TRAPPC9: variants seen among roughly 807,000 people sequenced by gnomAD.
TRAPPC9 encodes IKK2 binding protein.
TRAPPC9 carries 83 observed loss-of-function variants against 124.0 expected under a neutral mutation model. The ratio of observed to expected loss-of-function variants is 0.67; its 90% confidence interval spans 0.56 to 0.80. The LOEUF (loss-of-function observed/expected upper bound fraction) is 0.80. Among genes scored for constraint, TRAPPC9 ranks in the 30% least tolerant of loss-of-function variants. TRAPPC9 has a pLI of 0.00. For synonymous variants in TRAPPC9, 638 were observed against 617.5 expected, an observed-to-expected ratio of 1.03 and a Z score of -0.49; for missense variants, 1,302 against 1,508.3, an observed-to-expected ratio of 0.86 and a Z score of 2.27.
intron 21 of TRAPPC9, among the ~76,000 whole-genome samples, chr8:139,843,138 T>C (rs1178482589): frequency 2.0e-5 from 3 of 152,176 alleles, no homozygotes; most frequent in African/African-American, 4.8e-5. Context: ...ACTCGACACA[T>C]AGGGCTAAGT....
At chr8:139,835,882 A>T (rs1245307635) in intron 21 of TRAPPC9, among the ~76,000 whole-genome samples, 1 of 152,150 alleles carries the variant, frequency 6.6e-6, no homozygotes, top group Non-Finnish European at 1.5e-5. Flanking sequence ...GCAGTGGAGG[A>T]TGTGGCCTGA....
At chr8:139,868,521 C>T (rs1188121665) in intron 21 of TRAPPC9, among the ~76,000 whole-genome samples, 1 of 152,124 alleles carries the variant, frequency 6.6e-6, no homozygotes, top group East Asian at 1.9e-4. Context: ...GCTTGAAATC[C>T]AGATGGAGGC....
intron 17 of TRAPPC9, among the ~76,000 whole-genome samples, chr8:140,191,940 C>A (rs576377982): frequency 6.6e-6 from 1 of 152,318 alleles, no homozygotes; most frequent in African/African-American, 2.4e-5. Context: ...CACTTACTTA[C>A]TTCTCTGGGC....
chr8:140,145,707 G>C (rs984644897), intron 17 of TRAPPC9, among the ~76,000 whole-genome samples: 1 of 151,024 alleles, frequency 6.6e-6, no homozygotes, highest in East Asian at 1.9e-4. Context: ...GGGGGTTTTT[G>C]TTTTTGTTTT....
chr8:139,900,070 CG>C (rs2131212731), intron 20 of TRAPPC9, among the ~76,000 whole-genome samples: 1 of 152,300 alleles, frequency 6.6e-6, no homozygotes, highest in African/African-American at 2.4e-5. Flanking sequence ...TCCCGTCACT[CG>C]CTGGGTCAAA....
intron 5 of TRAPPC9, among the ~76,000 whole-genome samples, chr8:140,406,686 G>A (rs2069503981): frequency 6.6e-6 from 1 of 152,202 alleles, no homozygotes; most frequent in East Asian, 1.9e-4. Flanking sequence ...CAGATGGAAG[G>A]AGAACTCTAA....
chr8:140,386,499 A>T (rs2068758496), intron 7 of TRAPPC9, among the ~76,000 whole-genome samples: 1 of 152,210 alleles, frequency 6.6e-6, no homozygotes, highest in Non-Finnish European at 1.5e-5. Context: ...TGCAAAAATC[A>T]CAAGCATTCC....
At chr8:140,105,045 C>T (rs1223305281) in intron 17 of TRAPPC9, among the ~76,000 whole-genome samples, 4 of 152,220 alleles carry the variant, frequency 2.6e-5, no homozygotes, top group Non-Finnish European at 5.9e-5. Flanking sequence ...CTCCAGCCAC[C>T]TGCCCCCAGG....
At chr8:139,857,944 G>A (rs1248229151) in intron 21 of TRAPPC9, among the ~76,000 whole-genome samples, 1 of 152,198 alleles carries the variant, frequency 6.6e-6, no homozygotes, top group Non-Finnish European at 1.5e-5. Context: ...CTCAACATCA[G>A]GGCCTTCCCA....
chr8:139,848,651 T>A (rs939415163), intron 21 of TRAPPC9, among the ~76,000 whole-genome samples: 1 of 152,222 alleles, frequency 6.6e-6, no homozygotes, highest in Non-Finnish European at 1.5e-5. Context: ...AATATGCATG[T>A]GTGGGTATAT....
At chr8:140,233,574 C>T (rs111448446) in intron 16 of TRAPPC9, among the ~76,000 whole-genome samples, 1,974 of 142,936 alleles carry the variant, frequency 0.014, 50 homozygotes, top group African/African-American at 0.049. Context: ...CACACACTTC[C>T]TCTCTCTCTC....
intron 21 of TRAPPC9, among the ~76,000 whole-genome samples, chr8:139,865,739 A>C (rs1357485410): frequency 6.6e-6 from 1 of 152,120 alleles, no homozygotes; most frequent in East Asian, 1.9e-4. Flanking sequence ...GAGGGGGAGG[A>C]AGGTATCCGC....
chr8:139,823,373 C>T (rs1372550053), intron 21 of TRAPPC9, among the ~76,000 whole-genome samples: 1 of 151,932 alleles, frequency 6.6e-6, no homozygotes, highest in Admixed American at 6.6e-5. Context: ...CAAGCAGAGG[C>T]TTGGTGCCCG....
intron 15 of TRAPPC9, among the ~76,000 whole-genome samples, chr8:140,254,934 G>A (rs1028557512): frequency 1.3e-5 from 2 of 152,214 alleles, no homozygotes; most frequent in African/African-American, 2.4e-5. Flanking sequence ...GAGCTCAGGG[G>A]AAGACGGAGA....
chr8:140,382,613 G>A (rs891002331), intron 7 of TRAPPC9, among the ~76,000 whole-genome samples: 25 of 152,220 alleles, frequency 1.6e-4, no homozygotes, highest in African/African-American at 6.0e-4. Context: ...AGGCTGGGGG[G>A]AGGCACCCAC....
At chr8:140,350,507 T>C (rs540135156) in intron 9 of TRAPPC9, among the ~76,000 whole-genome samples, 2 of 152,176 alleles carry the variant, frequency 1.3e-5, no homozygotes, top group Non-Finnish European at 2.9e-5. Flanking sequence ...TAACAGTATT[T>C]CTTCACACCT....
chr8:140,199,408 A>G (rs775523030), intron 17 of TRAPPC9, among the ~76,000 whole-genome samples: 1 of 152,118 alleles, frequency 6.6e-6, no homozygotes, highest in Non-Finnish European at 1.5e-5. Flanking sequence ...ATATTAACCA[A>G]CGTCACTGGA....
chr8:140,132,664 C>T (rs1392927520), intron 17 of TRAPPC9, among the ~76,000 whole-genome samples: 1 of 152,118 alleles, frequency 6.6e-6, no homozygotes, highest in East Asian at 1.9e-4. Flanking sequence ...CTGGAGACCT[C>T]GGTCTAGTGG....
intron 15 of TRAPPC9, among the ~76,000 whole-genome samples, chr8:140,263,167 A>G (rs975843044): frequency 6.6e-6 from 1 of 152,200 alleles, no homozygotes; most frequent in South Asian, 2.1e-4. Context: ...GCTGGCAGCC[A>G]TGAAGACAGA....
Sources: gnomAD v4.1 joint callset for allele counts (sites outside exome capture counted in the v4.1 genomes callset) on GRCh38, gnomAD v4.1.1 for gene constraint, MANE v1.5 for transcripts, NCBI Gene and HGNC (gene_info 2026-07-23, HGNC 2026-07-21) for gene names.